The following MPP7 variants were observed in gnomAD, a reference collection of about 807,000 sequenced individuals.
MPP7 encodes MAGUK p55 subfamily member 7.
MPP7 carries 60 observed loss-of-function variants against 76.5 expected under a neutral mutation model. The observed-to-expected ratio is 0.78, with a 90% CI of 0.64 to 0.97. The LOEUF is 0.97. Among genes scored for constraint, MPP7 ranks in the 50% least tolerant of loss-of-function variants. The pLI, the probability that MPP7 is intolerant of heterozygous loss-of-function variation, is 0.00. For synonymous variants in MPP7, 237 were observed against 244.5 expected (o/e 0.97, Z 0.29); for missense variants, 641 against 694.0 (o/e 0.92, Z 0.86).
At chr10:28,079,971 A>T (rs1852681605) in intron 12 of MPP7, among the ~76,000 whole-genome samples, 1 of 149,152 alleles carries the variant, frequency 6.7e-6, no homozygotes, top group South Asian at 2.2e-4. Flanking sequence ...AAAATTTAAA[A>T]ATTAGCCAGG....
intron 3 of MPP7, among the ~76,000 whole-genome samples, chr10:28,165,199 C>T (rs1836407965): frequency 6.6e-6 from 1 of 152,102 alleles, no homozygotes; most frequent in Non-Finnish European, 1.5e-5. Context: ...TGTTACCTCA[C>T]ATGGTAAAGG....
intron 1 of MPP7, among the ~76,000 whole-genome samples, chr10:28,302,570 T>G (rs7915405): frequency 0.12 from 17,989 of 152,174 alleles, 1,706 homozygotes; most frequent in East Asian, 0.48. Flanking sequence ...GCTCTGGGTC[T>G]GCCCCGCCGC....
intron 1 of MPP7, among the ~76,000 whole-genome samples, chr10:28,331,566 A>C (rs1265751097): frequency 6.6e-6 from 1 of 152,090 alleles, no homozygotes; most frequent in Non-Finnish European, 1.5e-5. Flanking sequence ...TAGGGTTTTT[A>C]AAAATTATTA....
In MPP7 at chr10:28,096,305, T is replaced by C. The variant is rs968987400; in HGVS notation, c.953-6464A>G. On this transcript the variant is annotated intron_variant, in intron 11 of 16. Transcript: ENST00000683449. ...GTATGTACAGTGGCCCATTTCACCA[T>C]TCTCTCATCAAAGGACTTCTAATCT... 9.2e-5 allele frequency among the ~76,000 whole-genome samples: 14 copies of C among 152,336 alleles called. No individual in the cohort carries two copies. In the East Asian group the frequency reaches 2.5e-3, roughly 27 times the overall value.
chr10:28,120,706 G>T, intron 8 of MPP7, 38 bp from the exon 9 acceptor site: 1 of 1,538,938 alleles, frequency 6.5e-7, no homozygotes, highest in South Asian at 1.1e-5. Flanking sequence ...AAGAAAACCA[G>T]ACCCAAGGAA....
intron 4 of MPP7, among the ~76,000 whole-genome samples, chr10:28,148,845 A>G (rs796628821): frequency 2.2e-4 from 34 of 152,316 alleles, no homozygotes; most frequent in African/African-American, 7.9e-4. Flanking sequence ...TTATAAACAA[A>G]TGTTTCCCAA....
intron 1 of MPP7, among the ~76,000 whole-genome samples, chr10:28,239,791 T>G (rs1465015806): frequency 1.3e-5 from 2 of 152,194 alleles, no homozygotes; most frequent in East Asian, 3.8e-4. Flanking sequence ...ATGCTGCTAG[T>G]TCTGTGATCT....
chr10:28,058,632 T>A (rs2133321256), intron 14 of MPP7, 29 bp from the exon 15 acceptor site: 1 of 1,232,950 alleles, frequency 8.1e-7, no homozygotes, highest in East Asian at 2.5e-5. Flanking sequence ...ATTGGAATCA[T>A]TTGTGAATTT....
At chr10:28,163,242 T>C (rs11006900) in intron 3 of MPP7, among the ~76,000 whole-genome samples, 14,845 of 152,150 alleles carry the variant, frequency 0.098, 1,220 homozygotes, top group African/African-American at 0.22. Flanking sequence ...CACTTCACAG[T>C]GTCTTGAATC....
chr10:28,135,984 C>T (rs1835341219), intron 5 of MPP7, among the ~76,000 whole-genome samples: 1 of 152,102 alleles, frequency 6.6e-6, no homozygotes, highest in Non-Finnish European at 1.5e-5. Context: ...TCCCCCATTG[C>T]TTGCATTACC....
intron 1 of MPP7, among the ~76,000 whole-genome samples, chr10:28,274,093 A>ATTT (rs1167817342): frequency 7.0e-6 from 1 of 143,092 alleles, no homozygotes; most frequent in African/African-American, 2.7e-5. Context: ...GTAAAATAAA[A>ATTT]TTTTTTTCTT....
intron 1 of MPP7, among the ~76,000 whole-genome samples, chr10:28,287,539 T>G (rs918163166): frequency 2.6e-5 from 4 of 152,212 alleles, no homozygotes; most frequent in Non-Finnish European, 4.4e-5. Flanking sequence ...TTCTTATTCA[T>G]GCATGATTTG....
At chr10:28,158,983 A>G (rs1476289282) in intron 3 of MPP7, among the ~76,000 whole-genome samples, 1 of 152,130 alleles carries the variant, frequency 6.6e-6, no homozygotes, top group African/African-American at 2.4e-5. Flanking sequence ...AGGAGAACAC[A>G]CTATCCCCCA....
upstream of MPP7, chr10:28,303,227 A>C (rs1338007994): frequency 6.6e-6 from 1 of 152,204 alleles, no homozygotes; most frequent in Non-Finnish European, 1.5e-5. Context: ...GGCAAGAGAA[A>C]ACAAAGCTGG....
chr10:28,216,289 C>G (rs1838307693), intron 2 of MPP7, among the ~76,000 whole-genome samples: 1 of 151,916 alleles, frequency 6.6e-6, no homozygotes, highest in African/African-American at 2.4e-5. Flanking sequence ...GCACTCCAGG[C>G]TGGGCGACAC....
Position 28,054,118 on chromosome 10 carries a change from CA to C in MPP7, c.1677del (p.Phe559LeufsTer4). On this transcript the variant is annotated frameshift_variant, in exon 17 of 17. Coordinates refer to ENST00000683449, the MANE Select transcript of MPP7 (RefSeq NM_001318170.2). LOFTEE classifies it high-confidence loss of function. ...CAATGGGTCTCTGTCTCTAATTTGTCAAAAGTTGTTTTGAGCTCATTGAATG... is the reference window on the plus strand; with the variant it reads ...CAATGGGTCTCTGTCTCTAATTTGTCAAAGTTGTTTTGAGCTCATTGAATG... ...TVAFNELKTT[F>X]DKLETETHWV... 6.2e-7 allele frequency: 1 copy of C among 1,613,754 alleles called. No homozygotes were observed. Among genetic ancestry groups the C allele is most frequent in the Non-Finnish European group, 8.5e-7 (1 of 1,179,900 alleles).
At chr10:28,054,879 G>A (rs1296792503) in intron 16 of MPP7, among the ~76,000 whole-genome samples, 1 of 152,040 alleles carries the variant, frequency 6.6e-6, no homozygotes, top group Admixed American at 6.5e-5. Context: ...TTTTCTCCAT[G>A]TTCACCAGGC....
intron 2 of MPP7, among the ~76,000 whole-genome samples, chr10:28,312,084 A>G (rs1174667553): frequency 6.6e-6 from 1 of 152,168 alleles, no homozygotes; most frequent in Non-Finnish European, 1.5e-5. Context: ...ACAAAGAGTG[A>G]GCAGCAGCAA....
At chr10:28,133,027 C>T (rs1381360287) in intron 5 of MPP7, among the ~76,000 whole-genome samples, 1 of 152,196 alleles carries the variant, frequency 6.6e-6, no homozygotes, top group Non-Finnish European at 1.5e-5. Flanking sequence ...CATGCTCATT[C>T]ATTTATCCAT....
Sources: gnomAD v4.1 joint callset for allele counts (sites outside exome capture counted in the v4.1 genomes callset) on GRCh38, gnomAD v4.1.1 for gene constraint, MANE v1.5 for transcripts, NCBI Gene and HGNC (gene_info 2026-07-23, HGNC 2026-07-21) for gene names.